Variants in PPP2R2B observed in about 807,000 individuals in gnomAD.
PPP2R2B encodes protein phosphatase 2 regulatory subunit Bbeta, also known as serine/threonine-protein phosphatase 2A 55 kDa regulatory subunit B beta isoform.
Under a neutral mutation model 46.0 loss-of-function variants are expected in PPP2R2B, and 5 were observed. The ratio of observed to expected loss-of-function variants is 0.11; its 90% confidence interval spans 0.06 to 0.23. PPP2R2B has a LOEUF of 0.23. PPP2R2B is among the 10% of genes least tolerant of loss of function. PPP2R2B has a pLI of 1.00. For missense variants in PPP2R2B, 367 were observed against 575.0 expected, an observed-to-expected ratio of 0.64 and a Z score of 3.70; for synonymous variants, 215 against 206.7, an observed-to-expected ratio of 1.04 and a Z score of -0.34.
intron 1 of PPP2R2B, among the ~76,000 whole-genome samples, chr5:147,044,565 A>G (rs1200676703): frequency 6.6e-6 from 1 of 152,198 alleles, no homozygotes; most frequent in Non-Finnish European, 1.5e-5. Flanking sequence ...TCACAAATTC[A>G]TAACAGCCAG....
At chr5:146,933,687 C>A (rs909734670) in intron 1 of PPP2R2B, among the ~76,000 whole-genome samples, 1 of 139,514 alleles carries the variant, frequency 7.2e-6, no homozygotes, top group Non-Finnish European at 1.6e-5. Context: ...TTTTTTTTTT[C>A]TTTTATTATT....
At chr5:147,054,905 C>T (rs1757001387) in intron 1 of PPP2R2B, among the ~76,000 whole-genome samples, 1 of 152,186 alleles carries the variant, frequency 6.6e-6, no homozygotes, top group African/African-American at 2.4e-5. Flanking sequence ...AGAAGGTATA[C>T]AACCAGCTTC....
chr5:146,845,499 C>T (rs931901967), intron 2 of PPP2R2B, among the ~76,000 whole-genome samples: 3 of 151,856 alleles, frequency 2.0e-5, no homozygotes, highest in Admixed American at 6.6e-5. Context: ...GTGATCCGCC[C>T]GCCTCGGCCT....
At chr5:146,935,423 T>C (rs934590746) in intron 1 of PPP2R2B, among the ~76,000 whole-genome samples, 5 of 152,194 alleles carry the variant, frequency 3.3e-5, no homozygotes, top group Admixed American at 1.3e-4. Context: ...ACTCAGCTTA[T>C]GATATTTTAT....
Position 146,587,500 on chromosome 5 carries a change from T to C in PPP2R2B, c.*2447A>G, listed in dbSNP as rs1309413184. The C allele has an allele frequency of 6.6e-6, 1 of 152,174 alleles. No individual in the cohort carries two copies. The highest frequency in any genetic ancestry group is 2.4e-5 in the African/African-American group (1 of 41,426). The allele number at this position is 152,174 out of a possible 1,614,324, so 9.4% of individuals were successfully genotyped here. Reference sequence around the variant, plus strand: ...GGGGCTTTTATTTGGAGTTCGCAGATAAACTGCAAAGGGGCCTATGAACTC... The same window carrying C: ...GGGGCTTTTATTTGGAGTTCGCAGACAAACTGCAAAGGGGCCTATGAACTC... On this transcript the variant is annotated 3_prime_UTR_variant, in exon 10 of 10. Transcript: ENST00000394411.
chr5:146,868,953 G>A (rs1314220539), intron 2 of PPP2R2B, among the ~76,000 whole-genome samples: 1 of 152,168 alleles, frequency 6.6e-6, no homozygotes, highest in East Asian at 1.9e-4. Context: ...TTCATTTAAA[G>A]GGGGATAAGA....
chr5:146,835,908 T>A (rs1020741986), intron 2 of PPP2R2B, among the ~76,000 whole-genome samples: 3 of 152,126 alleles, frequency 2.0e-5, no homozygotes, highest in African/African-American at 7.2e-5. Context: ...CCTAATGAAG[T>A]GGGTTGGCAT....
At chr5:146,621,325 A>G (rs1581735525) in intron 7 of PPP2R2B, among the ~76,000 whole-genome samples, 1 of 152,224 alleles carries the variant, frequency 6.6e-6, no homozygotes, top group African/African-American at 2.4e-5. Flanking sequence ...CAAAGAAATG[A>G]TGCTCAGAGA....
At chr5:146,631,563 G>A (rs1175110850) in intron 7 of PPP2R2B, among the ~76,000 whole-genome samples, 1 of 152,150 alleles carries the variant, frequency 6.6e-6, no homozygotes, top group Non-Finnish European at 1.5e-5. Flanking sequence ...TTCACCTGCT[G>A]CTTTTATGCT....
At chr5:146,702,990 C>T (rs545219017) in intron 2 of PPP2R2B, among the ~76,000 whole-genome samples, 2 of 152,328 alleles carry the variant, frequency 1.3e-5, no homozygotes, top group South Asian at 4.2e-4. Context: ...CCAGACACCT[C>T]AAGTGAGTTA....
chr5:146,925,237 G>A (rs1463991358), intron 1 of PPP2R2B, among the ~76,000 whole-genome samples: 2 of 152,224 alleles, frequency 1.3e-5, no homozygotes, highest in Non-Finnish European at 2.9e-5. Flanking sequence ...CATTTACAGT[G>A]CTCTTCATTT....
intron 1 of PPP2R2B, among the ~76,000 whole-genome samples, chr5:147,004,285 G>A (rs1037762035): frequency 3.3e-5 from 5 of 152,142 alleles, no homozygotes; most frequent in Non-Finnish European, 7.3e-5. Flanking sequence ...CTGCCCCAGA[G>A]GGCAAAGCTT....
rs564851082 is a variant in PPP2R2B at position 146,871,282 on chromosome 5, G to A, written c.70+6720C>T. On this transcript the variant is annotated intron_variant, in intron 2 of 9. Coordinates refer to ENST00000394411, the MANE Select transcript of PPP2R2B (RefSeq NM_181675.4). The stretch of plus-strand genomic sequence containing the variant: ...CATCTGCCATCCCACAGCTGCCTCC[G>A]TCATATTTCTCTTGCTGTGGCCCAG... Among the ~76,000 whole-genome samples, 9 of 152,272 alleles carry A rather than the reference G, an allele frequency of 5.9e-5. No individual in the cohort carries two copies. The South Asian group carries it at 6.2e-4, about 11-fold the overall frequency.
In PPP2R2B at chr5:146,581,286, A is replaced by G. The variant is rs970463191; in HGVS notation, c.*8661T>C. 2.0e-5 allele frequency: 3 copies of G among 152,196 alleles called. No homozygotes were observed. Among genetic ancestry groups the G allele is most frequent in the Non-Finnish European group, 4.4e-5 (3 of 68,066 alleles). 9.4% of individuals were successfully genotyped at this position (152,196 alleles called of 1,614,324 possible). On this transcript the variant is annotated 3_prime_UTR_variant, in exon 10 of 10. Coordinates refer to ENST00000394411, the MANE Select transcript of PPP2R2B (RefSeq NM_181675.4). ...CAAAGGGGGAGCCAGCATATCTTAC[A>G]TGGCAGGAACAGGAGCAAGAGAGAC...
chr5:146,694,487 G>T (rs952053584), intron 4 of PPP2R2B, among the ~76,000 whole-genome samples: 2 of 152,062 alleles, frequency 1.3e-5, no homozygotes, highest in African/African-American at 4.8e-5. Context: ...TTCTTATCAT[G>T]AATGATAAAT....
At chr5:146,903,381 C>T (rs1318523323) in intron 1 of PPP2R2B, among the ~76,000 whole-genome samples, 1 of 136,396 alleles carries the variant, frequency 7.3e-6, no homozygotes, top group Non-Finnish European at 1.5e-5. Context: ...TTCTTTCTTG[C>T]TTTCTTTCTC....
At chr5:146,681,266 T>C (rs1415202459) in intron 5 of PPP2R2B, among the ~76,000 whole-genome samples, 3 of 152,264 alleles carry the variant, frequency 2.0e-5, no homozygotes, top group Admixed American at 6.5e-5. Flanking sequence ...TCTAGGCATG[T>C]ATTTTTGATC....
intron 2 of PPP2R2B, among the ~76,000 whole-genome samples, chr5:146,761,009 A>C (rs1379703234): frequency 6.6e-6 from 1 of 152,168 alleles, no homozygotes; most frequent in Non-Finnish European, 1.5e-5. Flanking sequence ...AAAAGTCAGG[A>C]AACAACAGGT....
chr5:146,618,233 C>T (rs758998576), intron 7 of PPP2R2B, among the ~76,000 whole-genome samples: 3 of 151,976 alleles, frequency 2.0e-5, no homozygotes, highest in Non-Finnish European at 4.4e-5. Flanking sequence ...TCTGAATAAC[C>T]GTATATGAGA....
Sources: gnomAD v4.1 joint callset for allele counts (sites outside exome capture counted in the v4.1 genomes callset) on GRCh38, gnomAD v4.1.1 for gene constraint, MANE v1.5 for transcripts, NCBI Gene and HGNC (gene_info 2026-07-23, HGNC 2026-07-21) for gene names.